Variants in TRIML1 observed in about 807,000 individuals in gnomAD.
TRIML1 encodes the protein tripartite motif family like 1, also known as probable E3 ubiquitin-protein ligase TRIML1.
TRIML1 carries 34 observed loss-of-function variants against 32.3 expected under a neutral mutation model. The ratio of observed to expected loss-of-function variants is 1.05; its 90% CI spans 0.80 to 1.40. TRIML1 has a LOEUF of 1.40. TRIML1 is among the 40% of genes most tolerant of loss of function. TRIML1 has a pLI of 0.00. For synonymous variants in TRIML1, 244 were observed against 226.6 expected, an observed-to-expected ratio of 1.08 and a Z score of -0.69; for missense variants, 595 against 574.9, an observed-to-expected ratio of 1.03 and a Z score of -0.36.
At chr4:188,149,213 C>A (rs1242651420), downstream of TRIML1, among the ~76,000 whole-genome samples, 1 of 152,062 alleles carries the variant, frequency 6.6e-6, no homozygotes, top group Non-Finnish European at 1.5e-5. Flanking sequence ...GCCCCCGCGC[C>A]TGGCCCAGCC....
chr4:188,150,489 T>C (rs1207278493), downstream of TRIML1, among the ~76,000 whole-genome samples: 1 of 152,150 alleles, frequency 6.6e-6, no homozygotes, highest in African/African-American at 2.4e-5. Context: ...AGAAACAAAA[T>C]GATAAAAAGC....
chr4:188,139,424 A>C, upstream of TRIML1: 2 of 835,164 alleles, frequency 2.4e-6, no homozygotes, highest in Non-Finnish European at 1.8e-6. Flanking sequence ...CAGGCACAGA[A>C]GAGATAAGGG....
chr4:188,147,237 G>A lies in TRIML1; in HGVS notation c.1272G>A (p.Thr424=), dbSNP rs367584535. Residue 424 remains threonine (T), a synonymous_variant, in exon 6 of 6, where the codon ACG becomes ACA. Coordinates refer to ENST00000332517, the MANE Select transcript of TRIML1 (RefSeq NM_178556.5). ...ESGHIAFYNG[T]DESLIYSFPQ... ...GACATATAGCATTCTACAACGGGAC[G>A]GATGAATCCCTCATCTACAGCTTCC... 77 of 1,608,882 alleles carry A rather than the reference G, an allele frequency of 4.8e-5. No individual in the cohort carries two copies. Among genetic ancestry groups the A allele is most frequent in the Middle Eastern group, 1.7e-4 (1 of 6,036 alleles).
At chr4:188,150,288 C>T (rs1735216932), downstream of TRIML1, among the ~76,000 whole-genome samples, 1 of 151,738 alleles carries the variant, frequency 6.6e-6, no homozygotes. Context: ...ACCACCACAC[C>T]CAGCGAATTT....
chr4:188,138,173 G>A (rs1734720040), upstream of TRIML1, among the ~76,000 whole-genome samples: 1 of 152,032 alleles, frequency 6.6e-6, no homozygotes, highest in Admixed American at 6.6e-5. Flanking sequence ...ATTTCAGAAA[G>A]GTGAGTTTTG....
chr4:188,141,807 T>G (rs949150557), intron 2 of TRIML1, among the ~76,000 whole-genome samples: 2 of 152,054 alleles, frequency 1.3e-5, no homozygotes, highest in Non-Finnish European at 2.9e-5. Flanking sequence ...TTTCAGGAAT[T>G]GTTGCCATGA....
At chr4:188,149,608 C>A (rs1219296662), downstream of TRIML1, among the ~76,000 whole-genome samples, 2 of 152,056 alleles carry the variant, frequency 1.3e-5, no homozygotes, top group East Asian at 3.9e-4. Context: ...GGCAGGGGAG[C>A]AAAGAAGAAA....
At chr4:188,144,280 A>G (rs1281963246) in intron 5 of TRIML1, 147 bp downstream of exon 5, 1 of 665,192 alleles carries the variant, frequency 1.5e-6, no homozygotes, top group Non-Finnish European at 2.6e-6. Context: ...GGCTGGGGCC[A>G]CAGACCGTCT....
Position 188,143,864 on chromosome 4 carries a change from G to C in TRIML1, c.758+4G>C, listed in dbSNP as rs577087504. On this transcript the variant is annotated splice_donor_region_variant and intron_variant, in intron 4 of 5. Transcript: ENST00000332517. ...AAGTGAGAGGAGCCCTGGAAAGGTA[G>C]GCTTTCATTCTGTGTTCAGTTATGC... is the stretch of plus-strand genomic sequence containing the variant. 1.2e-6 allele frequency: 2 copies of C among 1,614,052 alleles called. No individual in the cohort carries two copies. The highest frequency in any genetic ancestry group is 2.7e-5 in the African/African-American group (2 of 74,932).
downstream of TRIML1, among the ~76,000 whole-genome samples, chr4:188,148,494 CA>C (rs1335930105): frequency 6.7e-6 from 1 of 150,156 alleles, no homozygotes; most frequent in Non-Finnish European, 1.5e-5. Flanking sequence ...AACTCCATCT[CA>C]AAAAAAAAGA....
rs764350437 is a variant in TRIML1, at chr4:188,147,218, T to C, written c.1253T>C (p.Ile418Thr). Reference sequence around the variant, plus strand: ...TTCCTGGACTATGAATCTGGACATATAGCATTCTACAACGGGACGGATGAA... The same window carrying C: ...TTCCTGGACTATGAATCTGGACATACAGCATTCTACAACGGGACGGATGAA... Reference protein sequence around the residue: ...GVFLDYESGHIAFYNGTDESL... With the variant: ...GVFLDYESGHTAFYNGTDESL... The change falls in exon 6 of 6, where the codon ATA becomes ACA. Residue 418 changes from isoleucine to threonine, a missense_variant. Physicochemically the swap from Ile to Thr is moderately conservative, Grantham distance 89 (BLOSUM62 -1). Coordinates refer to ENST00000332517, the MANE Select transcript of TRIML1 (RefSeq NM_178556.5). 4.2e-5 allele frequency: 68 copies of C among 1,613,270 alleles called. No homozygotes were observed. Among genetic ancestry groups the C allele is most frequent in the Non-Finnish European group, 5.0e-5 (59 of 1,179,788 alleles).
intron 2 of TRIML1, 23 bp from the exon 3 acceptor site, chr4:188,142,207 CGTGTGTGTGTGTGTGTGTGTGT>C: frequency 3.9e-6 from 4 of 1,013,076 alleles, no homozygotes; most frequent in Non-Finnish European, 6.0e-6. Context: ...AACTTTATCT[CGTGTGTGTGTGTGTGTGTGTGT>C]GTGTGTGTGT....
downstream of TRIML1, among the ~76,000 whole-genome samples, chr4:188,150,238 T>G: frequency 6.6e-6 from 1 of 152,150 alleles, no homozygotes; most frequent in South Asian, 2.1e-4. Flanking sequence ...GTAATTCTCC[T>G]GCCTCAGCCT....
chr4:188,141,374 C>G (rs1261426243), intron 2 of TRIML1, among the ~76,000 whole-genome samples: 2 of 151,884 alleles, frequency 1.3e-5, no homozygotes, highest in Non-Finnish European at 2.9e-5. Context: ...CCATGTTAGC[C>G]AGGCTGATCT....
At chr4:188,149,377 A>T (rs1436526297), downstream of TRIML1, among the ~76,000 whole-genome samples, 1 of 152,136 alleles carries the variant, frequency 6.6e-6, no homozygotes, top group East Asian at 1.9e-4. Flanking sequence ...AGACTGTGTT[A>T]TTACTAAGAT....
chr4:188,150,626 C>T (rs566076075), downstream of TRIML1, among the ~76,000 whole-genome samples: 3 of 152,008 alleles, frequency 2.0e-5, no homozygotes, highest in African/African-American at 7.2e-5. Context: ...TAGCATAATC[C>T]AGTGATACAT....
upstream of TRIML1, among the ~76,000 whole-genome samples, chr4:188,137,295 C>CTTTTTT (rs67050879): frequency 1.4e-3 from 83 of 58,768 alleles, no homozygotes; most frequent in East Asian, 1.7e-3. Context: ...TTATTGTAGT[C>CTTTTTT]TTTTTTTTTT....
upstream of TRIML1, chr4:188,139,437 T>A: frequency 2.1e-6 from 2 of 968,090 alleles, no homozygotes; most frequent in Non-Finnish European, 3.1e-6. Context: ...GATAAGGGTT[T>A]CTTGTCATAA....
downstream of TRIML1, among the ~76,000 whole-genome samples, chr4:188,150,448 T>TC (rs1735223565): frequency 6.6e-6 from 1 of 152,208 alleles, no homozygotes; most frequent in African/African-American, 2.4e-5. Context: ...TAGACAGATT[T>TC]TATATCTTGA....
Sources: allele counts gnomAD v4.1 joint callset (sites outside exome capture counted in the v4.1 genomes callset), GRCh38; gene constraint gnomAD v4.1.1; transcripts MANE v1.5; gene names NCBI Gene and HGNC (gene_info 2026-07-23, HGNC 2026-07-21).